ANKRD17: variants seen among roughly 807,000 people sequenced by gnomAD.
ANKRD17 encodes the protein ankyrin repeat domain 17.
A neutral mutation model predicts 229.7 loss-of-function variants in ANKRD17; 19 were observed. The observed-to-expected ratio is 0.08, with a 90% CI of 0.06 to 0.12. The LOEUF (loss-of-function observed/expected upper bound fraction) is 0.12. Among genes scored for constraint, ANKRD17 ranks in the 10% least tolerant of loss-of-function variants. The probability of loss-of-function intolerance (pLI) is 1.00; values close to 1 mark genes in which losing one functional copy is unlikely to be tolerated. For missense variants in ANKRD17, 2,176 were observed against 3,176.8 expected (o/e 0.68, Z 7.57); for synonymous variants, 1,112 against 1,146.1 (o/e 0.97, Z 0.60).
chr4:73,112,728 T>A (rs1725465031), intron 24 of ANKRD17: 1 of 777,492 alleles, frequency 1.3e-6, no homozygotes, highest in African/African-American at 1.9e-5. Context: ...TATCACTGCA[T>A]CTCCTTTATA....
chr4:73,122,773 C>A (rs577802331), intron 18 of ANKRD17, among the ~76,000 whole-genome samples: 2 of 151,990 alleles, frequency 1.3e-5, no homozygotes, highest in East Asian at 1.9e-4. Flanking sequence ...GCTTTCAGAG[C>A]GAGTGACAAG....
intron 2 of ANKRD17, among the ~76,000 whole-genome samples, chr4:73,171,372 C>A (rs1355172814): frequency 2.0e-5 from 3 of 152,156 alleles, no homozygotes; most frequent in African/African-American, 4.8e-5. Flanking sequence ...TTGGGGTGCA[C>A]CCCAATGCAG....
At chr4:73,187,999 A>G (rs924209165) in intron 1 of ANKRD17, among the ~76,000 whole-genome samples, 1 of 152,216 alleles carries the variant, frequency 6.6e-6, no homozygotes, top group African/African-American at 2.4e-5. Context: ...ATAGTGAACT[A>G]GAACTTAGTA....
intron 18 of ANKRD17, among the ~76,000 whole-genome samples, chr4:73,123,298 T>C (rs1208368252): frequency 2.0e-5 from 3 of 152,072 alleles, no homozygotes; most frequent in Admixed American, 6.5e-5. Flanking sequence ...CCGGGATTTA[T>C]GGGGATTTTT....
intron 1 of ANKRD17, among the ~76,000 whole-genome samples, chr4:73,204,005 T>C (rs1397313739): frequency 6.6e-6 from 1 of 152,044 alleles, no homozygotes; most frequent in Non-Finnish European, 1.5e-5. Context: ...GACTGCTGAC[T>C]TCTTATTCAA....
chr4:73,110,667 A>C (rs900202618), intron 24 of ANKRD17, among the ~76,000 whole-genome samples: 3 of 152,250 alleles, frequency 2.0e-5, no homozygotes, highest in African/African-American at 7.2e-5. Context: ...TAATTAAAAA[A>C]TAGTGAGCCA....
At chr4:73,219,785 T>C (rs1741612381) in intron 1 of ANKRD17, among the ~76,000 whole-genome samples, 1 of 152,142 alleles carries the variant, frequency 6.6e-6, no homozygotes, top group South Asian at 2.1e-4. Flanking sequence ...AGAGTTATTA[T>C]TACACTTAAC....
chr4:73,121,472 G>T, intron 19 of ANKRD17, 145 bp downstream of exon 19: 2 of 927,002 alleles, frequency 2.2e-6, no homozygotes, highest in Non-Finnish European at 3.4e-6. Flanking sequence ...CTTAAATAAA[G>T]TTCATCTCAA....
At chr4:73,087,018 T>C (rs1578003524) in intron 29 of ANKRD17, among the ~76,000 whole-genome samples, 1 of 137,900 alleles carries the variant, frequency 7.3e-6, no homozygotes, top group Non-Finnish European at 1.5e-5. Context: ...AAAAAAGGGC[T>C]GTAGATACAA....
rs556594648 is a variant in ANKRD17, at chr4:73,155,757, T to C, written c.874A>G (p.Asn292Asp). 1 of 1,614,032 alleles carries C rather than the reference T, an allele frequency of 6.2e-7. No homozygotes were observed. Among genetic ancestry groups the C allele is most frequent in the Non-Finnish European group, 8.5e-7 (1 of 1,179,970 alleles). Residue 292 changes from asparagine (N) to aspartate (D), a missense_variant, in exon 5 of 34, where the codon AAT (asparagine) becomes GAT (aspartate). Asn to Asp is a conservative substitution (Grantham distance 23, BLOSUM62 1). Coordinates refer to ENST00000358602, the MANE Select transcript of ANKRD17 (RefSeq NM_032217.5). ...CCTTTGATTCCCCTATCTTCCACAT[T>C]TGCATGCATTGCCAACAAAACCTTA... ...LAQVLLAMHA[N>D]VEDRGIKGDI...
chr4:73,107,102 G>A (rs1298577801), intron 24 of ANKRD17, among the ~76,000 whole-genome samples: 1 of 152,088 alleles, frequency 6.6e-6, no homozygotes, highest in Non-Finnish European at 1.5e-5. Flanking sequence ...GGTGATGGTA[G>A]TGATGATGAT....
intron 22 of ANKRD17, among the ~76,000 whole-genome samples, chr4:73,117,913 A>C (rs961364618): frequency 6.6e-6 from 1 of 152,210 alleles, no homozygotes; most frequent in African/African-American, 2.4e-5. Context: ...TTGTATTTTT[A>C]CCTTTAAATG....
intron 30 of ANKRD17, among the ~76,000 whole-genome samples, chr4:73,081,002 AGTTTAC>A (rs1260245592): frequency 1.3e-5 from 2 of 152,116 alleles, no homozygotes; most frequent in African/African-American, 4.8e-5. Context: ...CCATTTAAGA[AGTTTAC>A]TCTCTGCACA....
rs1722757363 is a variant in ANKRD17, at chr4:73,091,162, T to A, written c.6466A>T (p.Thr2156Ser). The change falls in exon 29 of 34, where the codon ACT becomes TCT. Residue 2156 changes from threonine (T) to serine (S), a missense_variant. Transcript: ENST00000358602. Reference protein sequence around the residue: ...PVAVPSTAPVTYPMPQTPMGC... With the variant: ...PVAVPSTAPVSYPMPQTPMGC... Reference sequence around the variant, plus strand: ...ATTGGTGTCTGAGGCATAGGGTAAGTCACTGGGGCAGTAGAAGGCACCGCC... The same window carrying A: ...ATTGGTGTCTGAGGCATAGGGTAAGACACTGGGGCAGTAGAAGGCACCGCC... The A allele has an allele frequency of 1.9e-6, 3 of 1,613,964 alleles. No individual in the cohort carries two copies. Among genetic ancestry groups the A allele is most frequent in the Admixed American group, 1.7e-5 (1 of 59,980 alleles).
intron 1 of ANKRD17, among the ~76,000 whole-genome samples, chr4:73,193,860 A>C (rs1411643984): frequency 6.6e-6 from 1 of 152,130 alleles, no homozygotes; most frequent in Non-Finnish European, 1.5e-5. Context: ...TGAGCCCAGG[A>C]GGTTGAGGCT....
Position 73,118,865 on chromosome 4 carries a change from C to G in ANKRD17, c.4026-15G>C. 1 of 1,502,210 alleles carries G rather than the reference C, an allele frequency of 6.7e-7. No homozygotes were observed. Among genetic ancestry groups the G allele is most frequent in the Non-Finnish European group, 9.1e-7 (1 of 1,095,134 alleles). The allele number at this position is 1,502,210 out of a possible 1,614,324, so 93.1% of individuals were successfully genotyped here. A position where few individuals can be genotyped will look rare whatever the true frequency, so the allele number is the denominator to read the frequency against. On this transcript the variant is annotated splice_polypyrimidine_tract_variant and intron_variant, in intron 21 of 33. Coordinates refer to ENST00000358602, the MANE Select transcript of ANKRD17 (RefSeq NM_032217.5). Reference sequence around the variant, plus strand: ...TATGAGCTCCCCTAAAAACCAATGACACAGATAGCATTGTCTTTTTTTTTT... The same window carrying G: ...TATGAGCTCCCCTAAAAACCAATGAGACAGATAGCATTGTCTTTTTTTTTT...
chr4:73,077,197 A>G (rs1296770161), intron 32 of ANKRD17, 93 bp from the exon 33 acceptor site: 1 of 1,381,756 alleles, frequency 7.2e-7, no homozygotes, highest in Non-Finnish European at 9.6e-7. Flanking sequence ...TTGAAAGTTC[A>G]CCTCATCCTG....
At chr4:73,157,416 A>AAAAAATT (rs1384385493) in intron 3 of ANKRD17, among the ~76,000 whole-genome samples, 1 of 152,196 alleles carries the variant, frequency 6.6e-6, no homozygotes, top group East Asian at 1.9e-4. Flanking sequence ...GTGGAGTAAC[A>AAAAAATT]AAAAATTAAA....
At chr4:73,245,293 C>T (rs906613760) in intron 1 of ANKRD17, among the ~76,000 whole-genome samples, 62 of 152,300 alleles carry the variant, frequency 4.1e-4, no homozygotes, top group African/African-American at 1.5e-3. Context: ...CAGTCAAATG[C>T]TAATCTAGGT....
Sources: gnomAD v4.1 joint callset for allele counts (sites outside exome capture counted in the v4.1 genomes callset) on GRCh38, gnomAD v4.1.1 for gene constraint, MANE v1.5 for transcripts, NCBI Gene and HGNC (gene_info 2026-07-23, HGNC 2026-07-21) for gene names.